Variants in EPHB3 observed in about 807,000 individuals in gnomAD.
EPHB3 encodes EPH receptor B3.
Under a neutral mutation model 100.2 loss-of-function variants are expected in EPHB3, and 33 were observed. That is an observed-to-expected ratio of 0.33 (90% CI 0.25 to 0.44). EPHB3 has a LOEUF of 0.44. Ranked by LOEUF, EPHB3 falls within the 20% of genes least tolerant of loss-of-function variation. The pLI is 1.00. For synonymous variants in EPHB3, 526 were observed against 554.7 expected (o/e 0.95, Z 0.73); for missense variants, 1,045 against 1,378.3 (o/e 0.76, Z 3.83).
rs935572166 is a variant in EPHB3 at position 184,565,730 on chromosome 3, G to C, written c.118+3377G>C. ...TCTGGCACCCCCAAACCCCATCCCT[G>C]TCTGTCAGGAGCTGGCCTTCTGAGC... is the stretch of plus-strand genomic sequence containing the variant. On this transcript the variant is annotated intron_variant, in intron 1 of 15. Coordinates refer to ENST00000330394, the MANE Select transcript of EPHB3 (RefSeq NM_004443.4). This position sits in a 1 kb window ranked among gnomAD's most constrained non-coding sequence, Gnocchi z 4.8. Among the ~76,000 whole-genome samples the C allele has an allele frequency of 4.6e-5, 7 of 152,206 alleles. No individual in the cohort carries two copies. Among genetic ancestry groups the C allele is most frequent in the Admixed American group, 4.6e-4 (7 of 15,280 alleles).
At chr3:184,566,586 C>G (rs1342311290) in intron 1 of EPHB3, among the ~76,000 whole-genome samples, 2 of 152,162 alleles carry the variant, frequency 1.3e-5, no homozygotes, top group East Asian at 3.9e-4. Context: ...GTGTACACAT[C>G]CTGACCCATG....
Position 184,577,487 on chromosome 3 carries a change from G to A in EPHB3, c.1479+20G>A, listed in dbSNP as rs1166999637. 2 of 1,613,528 alleles carry A rather than the reference G, an allele frequency of 1.2e-6. No homozygotes were observed. The highest frequency in any genetic ancestry group is 1.7e-6 in the Non-Finnish European group (2 of 1,179,858). ...GAGAAGGTCAGAACCTCAAGGGGCA[G>A]GAGGAGGCCTTGGGCTGAGCTGGGC... On this transcript the variant is annotated intron_variant, in intron 6 of 15. Transcript: ENST00000330394. The surrounding 1 kb of genome is among the most constrained non-coding windows in gnomAD (Gnocchi z 4.9).
Position 184,580,497 on chromosome 3 carries a change from C to T in EPHB3, c.2268C>T (p.His756=). The change falls in exon 12 of 16, where the codon CAC becomes CAT. Residue 756 remains histidine, a synonymous_variant. Coordinates refer to ENST00000330394, the MANE Select transcript of EPHB3 (RefSeq NM_004443.4). The part of the protein sequence containing the change: ...MKYLSEMNYV[H]RDLAARNILV... ...ACCTGTCCGAGATGAACTATGTGCACCGCGACCTGGCTGCTCGCAACATCC... is the reference window on the plus strand; with the variant it reads ...ACCTGTCCGAGATGAACTATGTGCATCGCGACCTGGCTGCTCGCAACATCC... 2 of 1,614,222 alleles carry T rather than the reference C, an allele frequency of 1.2e-6. No individual in the cohort carries two copies. Among genetic ancestry groups the T allele is most frequent in the South Asian group, 2.2e-5 (2 of 91,084 alleles).
rs527940117 is a variant in EPHB3, at chr3:184,562,755, G to C, written c.118+402G>C. On this transcript the variant is annotated intron_variant, in intron 1 of 15. Transcript: ENST00000330394. The surrounding 1 kb of genome is among the most constrained non-coding windows in gnomAD (Gnocchi z 4.8). Reference sequence around the variant, plus strand: ...GGCTGTGGCGGGTGGGGGCGAAGCGGGACTCCCCGGGTTGGGGGGCGCTAA... The same window carrying C: ...GGCTGTGGCGGGTGGGGGCGAAGCGCGACTCCCCGGGTTGGGGGGCGCTAA... Among the ~76,000 whole-genome samples the C allele has an allele frequency of 6.6e-6, 1 of 152,302 alleles. No individual in the cohort carries two copies. The highest frequency in any genetic ancestry group is 2.1e-4 in the South Asian group (1 of 4,830).
rs187472946 is a variant in EPHB3, at chr3:184,578,184, G to A, written c.1748+178G>A. On this transcript the variant is annotated intron_variant, in intron 8 of 15. Coordinates refer to ENST00000330394, the MANE Select transcript of EPHB3 (RefSeq NM_004443.4). This position sits in a 1 kb window ranked among gnomAD's most constrained non-coding sequence, Gnocchi z 4.7. Reference sequence around the variant, plus strand: ...CCATCCCTGCCTGTGTCTTCATCCCGCCCTTTCTCCATACCCCATTCCCTG... The same window carrying A: ...CCATCCCTGCCTGTGTCTTCATCCCACCCTTTCTCCATACCCCATTCCCTG... 12 of 866,376 alleles carry A rather than the reference G, an allele frequency of 1.4e-5. No individual in the cohort carries two copies. Among genetic ancestry groups the A allele is most frequent in the East Asian group, 8.0e-5 (3 of 37,348 alleles). The allele number at this position is 866,376 out of a possible 1,614,324, so 53.7% of individuals were successfully genotyped here. A position where few individuals can be genotyped will look rare whatever the true frequency, so the allele number is the denominator to read the frequency against.
chr3:184,573,174 G>T lies in EPHB3; in HGVS notation c.854G>T (p.Arg285Leu). ...HEPAAKESQC[R>L]PCPPGSYKAK... ...CCAGCTGCCAAGGAGTCCCAGTGCCGCCGTGAGTGGGGACTGTCCTGGGGA... is the reference window on the plus strand; with the variant it reads ...CCAGCTGCCAAGGAGTCCCAGTGCCTCCGTGAGTGGGGACTGTCCTGGGGA... Residue 285 changes from arginine to leucine, a missense_variant and splice_region_variant, in exon 3 of 16, where the codon CGC (arginine) becomes CTC (leucine). Coordinates refer to ENST00000330394, the MANE Select transcript of EPHB3 (RefSeq NM_004443.4). The surrounding 1 kb of genome is among the most constrained non-coding windows in gnomAD (Gnocchi z 4.5). 6.2e-7 allele frequency: 1 copy of T among 1,611,312 alleles called. No individual in the cohort carries two copies.
rs1714544982 is a variant in EPHB3 at position 184,571,791 on chromosome 3, T to A, written c.183+409T>A. On this transcript the variant is annotated intron_variant, in intron 2 of 15. Coordinates refer to ENST00000330394, the MANE Select transcript of EPHB3 (RefSeq NM_004443.4). This position sits in a 1 kb window ranked among gnomAD's most constrained non-coding sequence, Gnocchi z 5.0. ...GTTTACCCCTCTGGGTGGCCACTTC[T>A]TGACTGTTAAATTCCCGCAGTCCGG... is the stretch of plus-strand genomic sequence containing the variant. 1.3e-5 allele frequency among the ~76,000 whole-genome samples: 2 copies of A among 152,152 alleles called. No individual in the cohort carries two copies. Among genetic ancestry groups the A allele is most frequent in the Non-Finnish European group, 2.9e-5 (2 of 68,024 alleles).
chr3:184,578,613 C>A lies in EPHB3; in HGVS notation c.1801+147C>A. 1.9e-6 allele frequency: 2 copies of A among 1,042,410 alleles called. No individual in the cohort carries two copies. Among genetic ancestry groups the A allele is most frequent in the Non-Finnish European group, 2.8e-6 (2 of 711,810 alleles). The allele number at this position is 1,042,410 out of a possible 1,614,324, so 64.6% of individuals were successfully genotyped here. A position where few individuals can be genotyped will look rare whatever the true frequency, so the allele number is the denominator to read the frequency against. On this transcript the variant is annotated intron_variant, in intron 9 of 15. Coordinates refer to ENST00000330394, the MANE Select transcript of EPHB3 (RefSeq NM_004443.4). The surrounding 1 kb of genome is among the most constrained non-coding windows in gnomAD (Gnocchi z 4.7). Reference sequence around the variant, plus strand: ...CCAGTCAAGTGGCATTTCCTGACCCCTATCTCACTCCGGGTACCCTGGGCC... The same window carrying A: ...CCAGTCAAGTGGCATTTCCTGACCCATATCTCACTCCGGGTACCCTGGGCC...
chr3:184,577,543 C>A lies in EPHB3; in HGVS notation c.1479+76C>A. Reference sequence around the variant, plus strand: ...AAATTACCCCCGGATCATGATGGGGCCCTTGGGAGCAAGGCCTTGGGTATG... The same window carrying A: ...AAATTACCCCCGGATCATGATGGGGACCTTGGGAGCAAGGCCTTGGGTATG... On this transcript the variant is annotated intron_variant, in intron 6 of 15. Coordinates refer to ENST00000330394, the MANE Select transcript of EPHB3 (RefSeq NM_004443.4). This position sits in a 1 kb window ranked among gnomAD's most constrained non-coding sequence, Gnocchi z 4.9. 6.3e-7 allele frequency: 1 copy of A among 1,596,348 alleles called. No individual in the cohort carries two copies. The highest frequency in any genetic ancestry group is 8.5e-7 in the Non-Finnish European group (1 of 1,170,452).
rs968564240 is a variant in EPHB3 at position 184,577,560 on chromosome 3, T to C, written c.1479+93T>C. 6.3e-7 allele frequency: 1 copy of C among 1,586,404 alleles called. No individual in the cohort carries two copies. The highest frequency in any genetic ancestry group is 1.7e-5 in the Admixed American group (1 of 58,306). ...TGATGGGGCCCTTGGGAGCAAGGCCTTGGGTATGGAGGGGGCATGTGGCAG... is the reference window on the plus strand; with the variant it reads ...TGATGGGGCCCTTGGGAGCAAGGCCCTGGGTATGGAGGGGGCATGTGGCAG... On this transcript the variant is annotated intron_variant, in intron 6 of 15. Coordinates refer to ENST00000330394, the MANE Select transcript of EPHB3 (RefSeq NM_004443.4). The surrounding 1 kb of genome is among the most constrained non-coding windows in gnomAD (Gnocchi z 4.9).
At chr3:184,567,742 C>A (rs917539029) in intron 1 of EPHB3, among the ~76,000 whole-genome samples, 11 of 152,170 alleles carry the variant, frequency 7.2e-5, no homozygotes, top group Non-Finnish European at 1.5e-4. Flanking sequence ...GTGTGACTTG[C>A]AGCTGGTGAT....
chr3:184,569,730 C>T lies in EPHB3; in HGVS notation c.119-1588C>T, dbSNP rs1388441911. ...CTGGGGTCACAGCTGCCTTGTCCACCCACGGGGTCCTCCGCCGTCCTCGGC... is the reference window on the plus strand; with the variant it reads ...CTGGGGTCACAGCTGCCTTGTCCACTCACGGGGTCCTCCGCCGTCCTCGGC... On this transcript the variant is annotated intron_variant, in intron 1 of 15. Transcript: ENST00000330394. The surrounding 1 kb of genome is among the most constrained non-coding windows in gnomAD (Gnocchi z 5.4). 2.0e-5 allele frequency among the ~76,000 whole-genome samples: 3 copies of T among 152,256 alleles called. No homozygotes were observed. Among genetic ancestry groups the T allele is most frequent in the East Asian group, 1.9e-4 (1 of 5,196 alleles).
Position 184,580,435 on chromosome 3 carries a change from G to A in EPHB3, c.2206G>A (p.Val736Met). 1 of 1,614,214 alleles carries A rather than the reference G, an allele frequency of 6.2e-7. No homozygotes were observed. The highest frequency in any genetic ancestry group is 8.5e-7 in the Non-Finnish European group (1 of 1,180,028). The change falls in exon 12 of 16, where the codon GTG (valine) becomes ATG (methionine). Residue 736 changes from valine (V) to methionine (M), a missense_variant. Val to Met is a conservative substitution (Grantham distance 21). Coordinates refer to ENST00000330394, the MANE Select transcript of EPHB3 (RefSeq NM_004443.4). ...NDGQFTVIQL[V>M]GMLRGIAAGM... ...TGGGCAGTTCACGGTCATCCAGCTGGTGGGCATGTTGCGGGGCATTGCTGC... is the reference window on the plus strand; with the variant it reads ...TGGGCAGTTCACGGTCATCCAGCTGATGGGCATGTTGCGGGGCATTGCTGC...
At position 184,576,711 on chromosome 3, in the gene EPHB3, C is replaced by T. The variant is rs74553333; in HGVS notation, c.1013-131C>T. The T allele has an allele frequency of 6.6e-4, 559 of 844,744 alleles. 1 individual carries two copies. The African/African-American group carries it at 8.2e-3, about 12-fold the overall frequency. The allele number at this position is 844,744 out of a possible 1,614,324, so 52.3% of individuals were successfully genotyped here. ...TCTGCCTGGTGAAGAAATGTAGGAA[C>T]GTTATTCTGCTTATCAAAGCAGAGG... On this transcript the variant is annotated intron_variant, in intron 4 of 15. Coordinates refer to ENST00000330394, the MANE Select transcript of EPHB3 (RefSeq NM_004443.4).
chr3:184,573,615 C>T lies in EPHB3; in HGVS notation c.856+439C>T, dbSNP rs1232491660. On this transcript the variant is annotated intron_variant, in intron 3 of 15. Transcript: ENST00000330394. The surrounding 1 kb of genome is among the most constrained non-coding windows in gnomAD (Gnocchi z 4.5). ...GCTTTTTACCCTGGGCTCTCTGCCC[C>T]TTGGGAGGCAGTATATAAATGGCAC... 6.6e-6 allele frequency among the ~76,000 whole-genome samples: 1 copy of T among 152,092 alleles called. No individual in the cohort carries two copies. Among genetic ancestry groups the T allele is most frequent in the Non-Finnish European group, 1.5e-5 (1 of 68,016 alleles).
At chr3:184,566,291 C>T (rs1420307841) in intron 1 of EPHB3, among the ~76,000 whole-genome samples, 6 of 152,210 alleles carry the variant, frequency 3.9e-5, no homozygotes, top group South Asian at 2.1e-4. Flanking sequence ...TTGGGCTCCC[C>T]GCCCTGGGCT....
At chr3:184,568,821 TG>T (rs1449117297) in intron 1 of EPHB3, among the ~76,000 whole-genome samples, 7 of 152,142 alleles carry the variant, frequency 4.6e-5, no homozygotes, top group Non-Finnish European at 1.0e-4. Flanking sequence ...TCTTCATTAA[TG>T]GGAAAAATGT....
In EPHB3 at chr3:184,562,346, G is replaced by A; in HGVS notation, c.111G>A (p.Ala37=). 2 of 1,233,964 alleles carry A rather than the reference G, an allele frequency of 1.6e-6. No individual in the cohort carries two copies. The highest frequency in any genetic ancestry group is 3.4e-5 in the South Asian group (1 of 29,610). 76.4% of individuals were successfully genotyped at this position (1,233,964 alleles called of 1,614,324 possible). Reference sequence around the variant, plus strand: ...TGCTGCTGCCCGCCGGCTGCCGGGCGCTGGAAGGTGAGCGGCGTCGGGGGG... The same window carrying A: ...TGCTGCTGCCCGCCGGCTGCCGGGCACTGGAAGGTGAGCGGCGTCGGGGGG... ...PLLLLPAGCR[A]LEETLMDTKW... Residue 37 remains alanine, a synonymous_variant, in exon 1 of 16, where the codon GCG becomes GCA. Transcript: ENST00000330394. This position sits in a 1 kb window ranked among gnomAD's most constrained non-coding sequence, Gnocchi z 4.8.
rs567343041 is a variant in EPHB3 at position 184,578,527 on chromosome 3, C to G, written c.1801+61C>G. The G allele has an allele frequency of 4.7e-5, 75 of 1,604,808 alleles. 2 individuals carry two copies. The South Asian group carries it at 7.2e-4, about 15-fold the overall frequency. ...CAGCCCCCTGCAGGGCTCTCAGACACCCTTCTCCCTGCCTGGGACTTCATT... is the reference window on the plus strand; with the variant it reads ...CAGCCCCCTGCAGGGCTCTCAGACAGCCTTCTCCCTGCCTGGGACTTCATT... On this transcript the variant is annotated intron_variant, in intron 9 of 15. Coordinates refer to ENST00000330394, the MANE Select transcript of EPHB3 (RefSeq NM_004443.4). The surrounding 1 kb of genome is among the most constrained non-coding windows in gnomAD (Gnocchi z 4.7).
Sources: gnomAD v4.1 joint callset for allele counts (sites outside exome capture counted in the v4.1 genomes callset) on GRCh38, gnomAD v4.1.1 for gene constraint, Gnocchi (gnomAD v3.1) non-coding constraint, MANE v1.5 for transcripts, NCBI Gene and HGNC (gene_info 2026-07-23, HGNC 2026-07-21) for gene names.